POR: variants seen among roughly 807,000 people sequenced by gnomAD.
The protein encoded by POR is NADPH--cytochrome P450 reductase.
POR carries 56 observed loss-of-function variants against 84.0 expected under a neutral mutation model. The ratio of observed to expected loss-of-function variants is 0.67; its 90% confidence interval spans 0.54 to 0.83. The LOEUF is 0.83. POR is among the 40% of genes least tolerant of loss of function. POR has a pLI of 0.00. For synonymous variants in POR, 414 were observed against 400.5 expected (o/e 1.03, Z -0.40); for missense variants, 938 against 944.3 (o/e 0.99, Z 0.09).
At chr7:75,980,251 C>T (rs782295648) in intron 4 of POR, 88 bp from the exon 5 acceptor site, 19 of 1,479,190 alleles carry the variant, frequency 1.3e-5, no homozygotes, top group Non-Finnish European at 1.6e-5. Context: ...CCACCCTGGG[C>T]AGGACCTGGC....
In POR at chr7:75,974,545, G is replaced by A. The variant is rs1490846280; in HGVS notation, c.237+2084G>A. Among the ~76,000 whole-genome samples, 4 of 20,650 alleles carry A rather than the reference G, an allele frequency of 1.9e-4. No homozygotes were observed. In the East Asian group the frequency reaches 5.6e-3, roughly 29 times the overall value. The allele number at this position is 20,650 out of a possible 152,430, so 13.5% of individuals were successfully genotyped here. A position where few individuals can be genotyped will look rare whatever the true frequency, so the allele number is the denominator to read the frequency against. On this transcript the variant is annotated intron_variant, in intron 3 of 15. Coordinates refer to ENST00000461988, the MANE Select transcript of POR (RefSeq NM_000941.3). ...TTTTCTTTTTTTTTTTTTTTTTTTT[G>A]AGACAGGGTCTCGCTTTGTTGCCCA...
intron 2 of POR, among the ~76,000 whole-genome samples, chr7:75,967,686 G>C (rs1450387067): frequency 6.6e-6 from 1 of 151,896 alleles, no homozygotes; most frequent in Non-Finnish European, 1.5e-5. Flanking sequence ...TGGGGAGAAG[G>C]GCTCTGATAT....
At chr7:75,948,735 C>T (rs905178516) in intron 1 of POR, among the ~76,000 whole-genome samples, 6 of 152,156 alleles carry the variant, frequency 3.9e-5, no homozygotes, top group African/African-American at 1.4e-4. Context: ...CATAAATGCT[C>T]ATTATATGCC....
chr7:75,953,495 G>C (rs568021606), intron 1 of POR, among the ~76,000 whole-genome samples: 2 of 152,108 alleles, frequency 1.3e-5, no homozygotes, highest in African/African-American at 4.8e-5. Flanking sequence ...TCCAAGGCTC[G>C]TGAATATCAG....
intron 1 of POR, among the ~76,000 whole-genome samples, chr7:75,919,005 T>G (rs1391664064): frequency 1.8e-4 from 26 of 147,058 alleles, no homozygotes; most frequent in African/African-American, 5.2e-4. Flanking sequence ...TGTTGTGTGT[T>G]TTTTTTTTTT....
Position 75,986,529 on chromosome 7 carries a change from T to C in POR, c.*48T>C. Reference sequence around the variant, plus strand: ...CCACAGACTCCGGCCTGTAATCAGCTCTCCTGGCTCCCTCCCGTAGTCTCC... The same window carrying C: ...CCACAGACTCCGGCCTGTAATCAGCCCTCCTGGCTCCCTCCCGTAGTCTCC... On this transcript the variant is annotated 3_prime_UTR_variant, in exon 16 of 16. Coordinates refer to ENST00000461988, the MANE Select transcript of POR (RefSeq NM_000941.3). 1.3e-6 allele frequency: 2 copies of C among 1,583,592 alleles called. No homozygotes were observed. The highest frequency in any genetic ancestry group is 2.2e-5 in the South Asian group (2 of 88,992).
chr7:75,961,632 G>A (rs781887752), intron 2 of POR, among the ~76,000 whole-genome samples: 3 of 152,080 alleles, frequency 2.0e-5, no homozygotes, highest in South Asian at 2.1e-4. Context: ...ATTTCTTTCC[G>A]CTGCCCCCCA....
chr7:75,918,805 T>C (rs1265571898), intron 1 of POR: 10 of 151,994 alleles, frequency 6.6e-5, no homozygotes, highest in African/African-American at 2.4e-4. Flanking sequence ...GATGTTTGAG[T>C]TGGGTCTTGG....
rs1189549895 is a variant in POR at position 75,986,540 on chromosome 7, C to T, written c.*59C>T. ...GGCCTGTAATCAGCTCTCCTGGCTC[C>T]CTCCCGTAGTCTCCTGGGTGTGTTT... On this transcript the variant is annotated 3_prime_UTR_variant, in exon 16 of 16. Transcript: ENST00000461988. The T allele has an allele frequency of 9.6e-6, 15 of 1,565,126 alleles. No individual in the cohort carries two copies. The highest frequency in any genetic ancestry group is 1.3e-5 in the Non-Finnish European group (15 of 1,161,130).
At chr7:75,943,645 A>G in intron 1 of POR, 1 of 271,056 alleles carries the variant, frequency 3.7e-6, no homozygotes, top group East Asian at 9.9e-5. Context: ...ATTGTACTAA[A>G]CTTTTCTCAA....
chr7:75,928,098 A>G (rs1466713219), intron 1 of POR, among the ~76,000 whole-genome samples: 1 of 150,754 alleles, frequency 6.6e-6, no homozygotes, highest in Non-Finnish European at 1.5e-5. Context: ...CAGCCTCCCA[A>G]GTAGCTGGGA....
At chr7:75,971,963 G>A (rs1299707896) in intron 2 of POR, among the ~76,000 whole-genome samples, 1 of 152,052 alleles carries the variant, frequency 6.6e-6, no homozygotes, top group Non-Finnish European at 1.5e-5. Context: ...GAGCGGAGCA[G>A]GGAAGTGGCA....
At chr7:75,945,840 C>A (rs1787148422) in intron 1 of POR, among the ~76,000 whole-genome samples, 1 of 152,088 alleles carries the variant, frequency 6.6e-6, no homozygotes, top group Admixed American at 6.5e-5. Context: ...GTTGGTTGCT[C>A]AATCTTTTTT....
intron 1 of POR, among the ~76,000 whole-genome samples, chr7:75,926,940 C>T (rs1432458424): frequency 6.6e-6 from 1 of 152,124 alleles, no homozygotes; most frequent in African/African-American, 2.4e-5. Context: ...TTGGGTAATG[C>T]TGTCATCTGA....
chr7:75,971,042 A>G (rs1554556070), intron 2 of POR: 1 of 145,584 alleles, frequency 6.9e-6, no homozygotes, highest in East Asian at 2.1e-4. Flanking sequence ...GCTCACTGCA[A>G]CCTCCGCCTC....
At chr7:75,981,200 A>T in intron 6 of POR, 28 bp downstream of exon 6, 3 of 1,512,182 alleles carry the variant, frequency 2.0e-6, no homozygotes, top group Non-Finnish European at 2.7e-6. Flanking sequence ...CACCATGATC[A>T]GCGCGGCGGG....
chr7:75,970,548 C>T (rs1788384736), intron 2 of POR, among the ~76,000 whole-genome samples: 3 of 151,792 alleles, frequency 2.0e-5, no homozygotes, highest in Admixed American at 2.0e-4. Flanking sequence ...TAGAGTATTG[C>T]TGTTTTACCC....
intron 2 of POR, among the ~76,000 whole-genome samples, chr7:75,966,050 C>G (rs1420768255): frequency 6.6e-6 from 1 of 152,152 alleles, no homozygotes; most frequent in African/African-American, 2.4e-5. Context: ...CTTCACCCAC[C>G]CTGAGCCTCA....
At chr7:75,952,945 C>T (rs1787513105) in intron 1 of POR, among the ~76,000 whole-genome samples, 1 of 152,158 alleles carries the variant, frequency 6.6e-6, no homozygotes, top group African/African-American at 2.4e-5. Context: ...GCTGCAATCT[C>T]GGCTCTTTGG....
Sources: allele counts gnomAD v4.1 joint callset (sites outside exome capture counted in the v4.1 genomes callset), GRCh38; gene constraint gnomAD v4.1.1; transcripts MANE v1.5; gene names NCBI Gene and HGNC (gene_info 2026-07-23, HGNC 2026-07-21).